CDH10: variants seen among roughly 807,000 people sequenced by gnomAD.
CDH10 encodes the protein cadherin 10, also known as cadherin-10.
Under a neutral mutation model 73.1 loss-of-function variants are expected in CDH10, and 30 were observed. The ratio of observed to expected loss-of-function variants is 0.41; its 90% CI spans 0.31 to 0.56. CDH10 has a LOEUF of 0.56. Ranked by LOEUF, CDH10 falls within the 20% of genes least tolerant of loss-of-function variation. CDH10 has a pLI of 0.27. For synonymous variants in CDH10, 345 were observed against 348.2 expected (o/e 0.99, Z 0.10); for missense variants, 815 against 973.7 (o/e 0.84, Z 2.17).
intron 8 of CDH10, among the ~76,000 whole-genome samples, chr5:24,501,693 C>A (rs1459687809): frequency 2.0e-5 from 3 of 152,036 alleles, no homozygotes; most frequent in South Asian, 2.1e-4. Context: ...AACTGTTTTA[C>A]CTGCTTTGGG....
chr5:24,543,468 A>G (rs55642266), intron 2 of CDH10, among the ~76,000 whole-genome samples: 2 of 152,296 alleles, frequency 1.3e-5, no homozygotes, highest in Non-Finnish European at 2.9e-5. Context: ...ACCTGAAAAT[A>G]ACGAAATTAT....
At position 24,493,021 on chromosome 5, in the gene CDH10, T is replaced by C. The variant is rs918145012; in HGVS notation, c.1516-96A>G. ...TCATTTTGTCTGAAGTTGTTCAAAA[T>C]AATTGACTTTTATTTCATGTGAATG... is the stretch of plus-strand genomic sequence containing the variant. On this transcript the variant is annotated intron_variant, in intron 9 of 11. Transcript: ENST00000264463. 66 of 639,748 alleles carry C rather than the reference T, an allele frequency of 1.0e-4. 1 individual carries two copies. The highest frequency in any genetic ancestry group is 7.7e-4 in the Middle Eastern group (2 of 2,588). 39.6% of individuals were successfully genotyped at this position (639,748 alleles called of 1,614,324 possible). A position where few individuals can be genotyped will look rare whatever the true frequency, so the allele number is the denominator to read the frequency against.
chr5:24,511,568 AGAGAGAG>A (rs2111769011), intron 5 of CDH10, 54 bp from the exon 6 acceptor site: 1 of 802,818 alleles, frequency 1.2e-6, no homozygotes, highest in South Asian at 1.8e-5. Context: ...AGAGAGAGAG[AGAGAGAG>A]AGAGAGAGAG....
intron 1 of CDH10, among the ~76,000 whole-genome samples, chr5:24,600,528 G>A (rs144337756): frequency 8.0e-4 from 121 of 152,194 alleles, no homozygotes; most frequent in African/African-American, 2.9e-3. Flanking sequence ...AACACGGGTG[G>A]TCTGAGAAAT....
chr5:24,626,875 A>T (rs930193236), intron 1 of CDH10, among the ~76,000 whole-genome samples: 1 of 80,402 alleles, frequency 1.2e-5, no homozygotes, highest in Non-Finnish European at 3.3e-5. Flanking sequence ...TGTATATATA[A>T]GTGTATATAT....
intron 2 of CDH10, among the ~76,000 whole-genome samples, chr5:24,556,727 A>ATATATT (rs1323699479): frequency 2.0e-5 from 3 of 151,742 alleles, no homozygotes; most frequent in Non-Finnish European, 4.4e-5. Flanking sequence ...AAGAAACAGA[A>ATATATT]TTAAAATATT....
At chr5:24,643,827 C>G (rs768528234) in intron 1 of CDH10, among the ~76,000 whole-genome samples, 1 of 152,116 alleles carries the variant, frequency 6.6e-6, no homozygotes, top group Non-Finnish European at 1.5e-5. Flanking sequence ...TCAATAGTTA[C>G]TTGTTGGGGA....
At position 24,491,671 on chromosome 5, in the gene CDH10, T is replaced by C. The variant is rs913258374; in HGVS notation, c.1781A>G (p.Asn594Ser). ...GGCTTCAGCACTGCAGGATTGCATG[T>C]TGCCTTGGCTGTCACAAGCACACAC... ...IRVCACDSQG[N>S]MQSCSAEALL... is the part of the protein sequence containing the mutation. The change falls in exon 11 of 12, where the codon AAC becomes AGC. Residue 594 changes from asparagine (N) to serine (S), a missense_variant. This residue lies in a region of CDH10 where 241 missense variants were observed against 240.3 expected (regional missense o/e 1.00). Coordinates refer to ENST00000264463, the MANE Select transcript of CDH10 (RefSeq NM_006727.5). 3 of 1,614,030 alleles carry C rather than the reference T, an allele frequency of 1.9e-6. No individual in the cohort carries two copies. The highest frequency in any genetic ancestry group is 1.7e-5 in the Admixed American group (1 of 60,012).
intron 5 of CDH10, 40 bp from the exon 6 acceptor site, chr5:24,511,554 A>T: frequency 4.8e-6 from 1 of 208,898 alleles, no homozygotes; most frequent in Non-Finnish European, 7.6e-6. Flanking sequence ...ACAGAGAGAG[A>T]GAGAGAGAGA....
chr5:24,621,373 T>C (rs1579479148), intron 1 of CDH10, among the ~76,000 whole-genome samples: 1 of 152,258 alleles, frequency 6.6e-6, no homozygotes, highest in East Asian at 1.9e-4. Flanking sequence ...AACAACCTTC[T>C]CAGCCATAAA....
At chr5:24,580,412 T>G (rs1424607611) in intron 2 of CDH10, among the ~76,000 whole-genome samples, 1 of 152,160 alleles carries the variant, frequency 6.6e-6, no homozygotes, top group Non-Finnish European at 1.5e-5. Flanking sequence ...TTAAATAATT[T>G]GTGTGAGATG....
intron 2 of CDH10, among the ~76,000 whole-genome samples, chr5:24,544,638 G>A (rs930920144): frequency 1.3e-5 from 2 of 152,110 alleles, no homozygotes; most frequent in African/African-American, 4.8e-5. Context: ...GCAGCCTATT[G>A]AAAGTTGGCC....
chr5:24,515,169 G>T (rs563218300), intron 5 of CDH10, among the ~76,000 whole-genome samples: 1 of 152,078 alleles, frequency 6.6e-6, no homozygotes, highest in East Asian at 1.9e-4. Context: ...ACACTTATGT[G>T]CTAATAAAAT....
At chr5:24,584,136 C>T (rs1745898185) in intron 2 of CDH10, among the ~76,000 whole-genome samples, 1 of 151,894 alleles carries the variant, frequency 6.6e-6, no homozygotes, top group Admixed American at 6.6e-5. Context: ...TTGTTGAAAT[C>T]CTAAAATAAT....
intron 5 of CDH10, among the ~76,000 whole-genome samples, 200 bp from the exon 6 acceptor site, chr5:24,511,714 C>A (rs1387599134): frequency 6.6e-6 from 1 of 152,132 alleles, no homozygotes; most frequent in African/African-American, 2.4e-5. Flanking sequence ...GGTCTAGGAA[C>A]TTCCGGGGCT....
intron 11 of CDH10, among the ~76,000 whole-genome samples, chr5:24,490,432 A>ATG (rs72527246): frequency 0.85 from 129,090 of 151,832 alleles, 55,061 homozygotes; most frequent in Non-Finnish European, 0.88. Flanking sequence ...AAATTATAAA[A>ATG]TATATTTTTT....
chr5:24,513,348 C>G (rs559811588), intron 5 of CDH10, among the ~76,000 whole-genome samples: 1 of 152,152 alleles, frequency 6.6e-6, no homozygotes, highest in African/African-American at 2.4e-5. Context: ...ATTTCTCTCA[C>G]ATAAAATTCC....
intron 5 of CDH10, among the ~76,000 whole-genome samples, chr5:24,532,078 T>C (rs755426634): frequency 1.3e-5 from 2 of 152,032 alleles, no homozygotes; most frequent in Non-Finnish European, 2.9e-5. Context: ...AGAAACATTG[T>C]TATAAATCCA....
chr5:24,594,377 A>G (rs1228260778), intron 1 of CDH10, among the ~76,000 whole-genome samples: 1 of 151,816 alleles, frequency 6.6e-6, no homozygotes, highest in Non-Finnish European at 1.5e-5. Flanking sequence ...CCGTGCCACT[A>G]TTTTCTCAAC....
Sources: allele counts gnomAD v4.1 joint callset (sites outside exome capture counted in the v4.1 genomes callset), GRCh38; gene constraint gnomAD v4.1.1; regional missense constraint gnomAD v4.1.1; transcripts MANE v1.5; gene names NCBI Gene and HGNC (gene_info 2026-07-23, HGNC 2026-07-21).